Variants in CBLL1 observed in about 807,000 individuals in gnomAD.
The protein encoded by CBLL1 is Cbl proto-oncogene like 1, also known as E3 ubiquitin-protein ligase Hakai.
Under a neutral mutation model 44.9 loss-of-function variants are expected in CBLL1, and 4 were observed. The ratio of observed to expected loss-of-function variants is 0.09; its 90% CI spans 0.04 to 0.20. The LOEUF (loss-of-function observed/expected upper bound fraction) is 0.20. Among genes scored for constraint, CBLL1 ranks in the 10% least tolerant of loss-of-function variants. The probability of loss-of-function intolerance (pLI) is 1.00; values close to 1 mark genes in which losing one functional copy is unlikely to be tolerated. For synonymous variants in CBLL1, 235 were observed against 202.2 expected, an observed-to-expected ratio of 1.16 and a Z score of -1.38; for missense variants, 569 against 636.7, an observed-to-expected ratio of 0.89 and a Z score of 1.14.
At chr7:107,749,182 C>T (rs574277438) in intron 2 of CBLL1, 135 bp downstream of exon 2, 29 of 617,806 alleles carry the variant, frequency 4.7e-5, no homozygotes, top group Middle Eastern at 3.0e-4. Context: ...TTTGACTTCT[C>T]ATTGTAGCAC....
Position 107,759,620 on chromosome 7 carries a change from C to T in CBLL1, c.*442C>T, listed in dbSNP as rs140050990. On this transcript the variant is annotated 3_prime_UTR_variant, in exon 6 of 6. Transcript: ENST00000440859. ...ATGTGAATTTAAGTGCAGCCACATA[C>T]TGTTTTTTAAACCATATGTTTTACC... is the stretch of plus-strand genomic sequence containing the variant. The T allele has an allele frequency of 1.9e-5, 3 of 154,470 alleles. No homozygotes were observed. The East Asian group carries it at 5.6e-4, about 29-fold the overall frequency. 9.6% of individuals were successfully genotyped at this position (154,470 alleles called of 1,614,324 possible). A position where few individuals can be genotyped will look rare whatever the true frequency, so the allele number is the denominator to read the frequency against.
chr7:107,746,440 GT>G (rs1793020869), intron 1 of CBLL1, among the ~76,000 whole-genome samples: 1 of 152,058 alleles, frequency 6.6e-6, no homozygotes, highest in Non-Finnish European at 1.5e-5. Context: ...TCTCTTTGAT[GT>G]TTAGTATCAG....
chr7:107,747,013 C>A (rs944601611), intron 1 of CBLL1, among the ~76,000 whole-genome samples: 8 of 152,172 alleles, frequency 5.3e-5, no homozygotes, highest in Non-Finnish European at 1.0e-4. Flanking sequence ...AGTCCTTAGT[C>A]ACTTTCTATG....
In CBLL1 at chr7:107,758,849, C is replaced by G. The variant is rs1203897447; in HGVS notation, c.1147C>G (p.Pro383Ala). 6.2e-7 allele frequency: 1 copy of G among 1,613,946 alleles called. No individual in the cohort carries two copies. The highest frequency in any genetic ancestry group is 1.3e-5 in the African/African-American group (1 of 74,868). ...TCCACCAATGACCTCTGCTCCACCA[C>G]CAATAACCCCTCCCCCTGGACATAT... Reference protein sequence around the residue: ...PPPPMTSAPPPITPPPGHIIA... With the variant: ...PPPPMTSAPPAITPPPGHIIA... Residue 383 changes from proline (P) to alanine (A), a missense_variant, in exon 6 of 6, where the codon CCA becomes GCA. This residue lies in a region of CBLL1 where 228 missense variants were observed against 253.2 expected (regional missense o/e 0.90). Coordinates refer to ENST00000440859, the MANE Select transcript of CBLL1 (RefSeq NM_024814.4). The surrounding 1 kb of genome is among the most constrained non-coding windows in gnomAD (Gnocchi z 4.2).
intron 1 of CBLL1, among the ~76,000 whole-genome samples, chr7:107,745,617 G>T (rs1792978005): frequency 6.6e-6 from 1 of 152,232 alleles, no homozygotes; most frequent in African/African-American, 2.4e-5. Flanking sequence ...GAAGAATGGT[G>T]TAAGAGAGGG....
chr7:107,755,891 G>A (rs540770580), intron 5 of CBLL1, among the ~76,000 whole-genome samples: 1 of 152,156 alleles, frequency 6.6e-6, no homozygotes, highest in Non-Finnish European at 1.5e-5. Flanking sequence ...GATAAAATGA[G>A]ACTGATAATA....
chr7:107,745,582 TAAA>T (rs1465989188), intron 1 of CBLL1, among the ~76,000 whole-genome samples: 1 of 152,152 alleles, frequency 6.6e-6, no homozygotes, highest in Non-Finnish European at 1.5e-5. Flanking sequence ...CACAGTCTCT[TAAA>T]AAATACAATA....
intron 5 of CBLL1, among the ~76,000 whole-genome samples, chr7:107,755,953 A>G (rs1486044903): frequency 6.6e-6 from 1 of 152,146 alleles, no homozygotes; most frequent in Non-Finnish European, 1.5e-5. Context: ...TTATATATAT[A>G]TAACATATGT....
chr7:107,747,210 G>A (rs1445625263), intron 1 of CBLL1, among the ~76,000 whole-genome samples: 1 of 152,178 alleles, frequency 6.6e-6, no homozygotes, highest in Non-Finnish European at 1.5e-5. Flanking sequence ...AGCAGAGTGG[G>A]AAGGGCCAGC....
intron 4 of CBLL1, among the ~76,000 whole-genome samples, chr7:107,755,156 G>A (rs1793472311): frequency 6.6e-6 from 1 of 152,050 alleles, no homozygotes; most frequent in Admixed American, 6.5e-5. Flanking sequence ...GACCATGGGT[G>A]AAATTTATAG....
At chr7:107,750,494 CG>C (rs1407011318) in intron 2 of CBLL1, among the ~76,000 whole-genome samples, 2 of 151,830 alleles carry the variant, frequency 1.3e-5, no homozygotes, top group Non-Finnish European at 1.5e-5. Flanking sequence ...TTAGTGGAGA[CG>C]GGGTTTCACT....
chr7:107,759,781 T>C lies in CBLL1; in HGVS notation c.*603T>C, dbSNP rs922673240. Reference sequence around the variant, plus strand: ...TGTTGAGGTTTCGAGGTATAGTAAGTATACAATGCACTTCACTTGGATGCC... The same window carrying C: ...TGTTGAGGTTTCGAGGTATAGTAAGCATACAATGCACTTCACTTGGATGCC... On this transcript the variant is annotated 3_prime_UTR_variant, in exon 6 of 6. Coordinates refer to ENST00000440859, the MANE Select transcript of CBLL1 (RefSeq NM_024814.4). 6.6e-6 allele frequency: 1 copy of C among 152,396 alleles called. No homozygotes were observed. Among genetic ancestry groups the C allele is most frequent in the African/African-American group, 2.4e-5 (1 of 41,452 alleles). 9.4% of individuals were successfully genotyped at this position (152,396 alleles called of 1,614,324 possible).
Position 107,760,460 on chromosome 7 carries a change from G to A in CBLL1, c.*1282G>A, listed in dbSNP as rs889919318. ...GAGAAGAGGAAATAACAGCTAAATT[G>A]TGGATTTCAGTGCTTTACATGGTGC... On this transcript the variant is annotated 3_prime_UTR_variant, in exon 6 of 6. Coordinates refer to ENST00000440859, the MANE Select transcript of CBLL1 (RefSeq NM_024814.4). The A allele has an allele frequency of 5.3e-5, 8 of 152,166 alleles. No individual in the cohort carries two copies. The highest frequency in any genetic ancestry group is 1.2e-4 in the Non-Finnish European group (8 of 67,936). 9.4% of individuals were successfully genotyped at this position (152,166 alleles called of 1,614,324 possible).
Position 107,753,531 on chromosome 7 carries a change from A to G in CBLL1, c.282+20A>G. On this transcript the variant is annotated intron_variant, in intron 3 of 5. Coordinates refer to ENST00000440859, the MANE Select transcript of CBLL1 (RefSeq NM_024814.4). Reference sequence around the variant, plus strand: ...TTTCAGGTATAATTAAAAATGAAAAATTGTATTATAACAATAAAATATTTT... The same window carrying G: ...TTTCAGGTATAATTAAAAATGAAAAGTTGTATTATAACAATAAAATATTTT... 1 of 1,377,912 alleles carries G rather than the reference A, an allele frequency of 7.3e-7. No individual in the cohort carries two copies. Among genetic ancestry groups the G allele is most frequent in the Non-Finnish European group, 1.0e-6 (1 of 1,002,652 alleles). The allele number at this position is 1,377,912 out of a possible 1,614,324, so 85.4% of individuals were successfully genotyped here.
intron 2 of CBLL1, among the ~76,000 whole-genome samples, chr7:107,749,724 T>TA (rs983392232): frequency 1.3e-4 from 19 of 151,936 alleles, no homozygotes; most frequent in African/African-American, 4.3e-4. Flanking sequence ...AAAATAATAA[T>TA]AAAAAGGTAT....
At position 107,749,102 on chromosome 7, in the gene CBLL1, G is replaced by A. The variant is rs558582439; in HGVS notation, c.181+55G>A. On this transcript the variant is annotated intron_variant, in intron 2 of 5. Coordinates refer to ENST00000440859, the MANE Select transcript of CBLL1 (RefSeq NM_024814.4). ...TCTTTCTGTTTTATCTGATTGCTTC[G>A]GACAGTCTGTGTGATCTTATAGCTA... 80 of 1,537,778 alleles carry A rather than the reference G, an allele frequency of 5.2e-5. No individual in the cohort carries two copies. The African/African-American group carries it at 7.8e-4, about 15-fold the overall frequency.
chr7:107,758,881 C>A lies in CBLL1; in HGVS notation c.1179C>A (p.Ala393=). The A allele has an allele frequency of 6.2e-7, 1 of 1,614,018 alleles. No homozygotes were observed. The highest frequency in any genetic ancestry group is 1.1e-5 in the South Asian group (1 of 91,076). ...PITPPPGHII[A]QMPPYMNHPP... is the part of the protein sequence containing the mutation. Reference sequence around the variant, plus strand: ...CCCCTCCCCCTGGACATATTATTGCCCAGATGCCACCTTATATGAATCATC... The same window carrying A: ...CCCCTCCCCCTGGACATATTATTGCACAGATGCCACCTTATATGAATCATC... Residue 393 remains alanine, a synonymous_variant, in exon 6 of 6, where the codon GCC becomes GCA. Transcript: ENST00000440859. This position sits in a 1 kb window ranked among gnomAD's most constrained non-coding sequence, Gnocchi z 4.2.
chr7:107,758,645 C>G lies in CBLL1; in HGVS notation c.943C>G (p.Pro315Ala). ...AGAACCACCACCTCCTGCCCCAGCA[C>G]CTGCTCACCATCATCCTGAATATCA... ...AREPPPPAPA[P>A]AHHHPEYQGQ... Residue 315 changes from proline (P) to alanine (A), a missense_variant, in exon 6 of 6, where the codon CCT becomes GCT. By Grantham distance (27) the Pro-to-Ala change is conservative. Around this residue, in one of 5 missense-constraint regions of CBLL1, gnomAD observed 228 missense variants for 253.2 expected, o/e 0.90. Transcript: ENST00000440859. This position sits in a 1 kb window ranked among gnomAD's most constrained non-coding sequence, Gnocchi z 4.2. 3 of 1,613,992 alleles carry G rather than the reference C, an allele frequency of 1.9e-6. 1 individual carries two copies. In the East Asian group the frequency reaches 6.7e-5, roughly 36 times the overall value.
intron 1 of CBLL1, chr7:107,744,547 A>C: frequency 3.6e-6 from 1 of 274,798 alleles, no homozygotes; most frequent in Non-Finnish European, 6.8e-6. Flanking sequence ...CGAGTCGCGG[A>C]ATCCTCTTTA....
Sources: allele counts gnomAD v4.1 joint callset (sites outside exome capture counted in the v4.1 genomes callset), GRCh38; gene constraint gnomAD v4.1.1; regional missense constraint gnomAD v4.1.1; non-coding constraint Gnocchi (gnomAD v3.1); transcripts MANE v1.5; gene names NCBI Gene and HGNC (gene_info 2026-07-23, HGNC 2026-07-21).